The following FAM117A variants were observed in gnomAD, a reference collection of about 807,000 sequenced individuals.
The protein encoded by FAM117A is protein FAM117A.
A neutral mutation model predicts 44.1 loss-of-function variants in FAM117A; 21 were observed. The observed-to-expected ratio is 0.48, with a 90% confidence interval of 0.34 to 0.69. The LOEUF is 0.69. Among genes scored for constraint, FAM117A ranks in the 30% least tolerant of loss-of-function variants. The pLI is 0.01. For missense variants in FAM117A, 498 were observed against 589.9 expected, an observed-to-expected ratio of 0.84 and a Z score of 1.61; for synonymous variants, 220 against 238.3, an observed-to-expected ratio of 0.92 and a Z score of 0.71.
chr17:49,773,867 C>A (rs1182188748), intron 1 of FAM117A, among the ~76,000 whole-genome samples: 1 of 151,970 alleles, frequency 6.6e-6, no homozygotes, highest in Non-Finnish European at 1.5e-5. Context: ...GATTCTCCTG[C>A]CTCAGCCTCC....
At chr17:49,740,279 A>G (rs968736732) in intron 1 of FAM117A, among the ~76,000 whole-genome samples, 4 of 148,244 alleles carry the variant, frequency 2.7e-5, no homozygotes, top group Non-Finnish European at 4.5e-5. Flanking sequence ...AGGGAGTCTC[A>G]CTCTGTCCCT....
At chr17:49,718,671 AAAAAAAAAAAAG>A (rs2143699925) in intron 5 of FAM117A, among the ~76,000 whole-genome samples, 1 of 140,296 alleles carries the variant, frequency 7.1e-6, no homozygotes, top group Admixed American at 7.1e-5. Flanking sequence ...ATTCTGTCTC[AAAAAAAAAAAAG>A]AAAAAAAAAT....
At chr17:49,714,584 C>G (rs1419381161) in intron 7 of FAM117A, among the ~76,000 whole-genome samples, 1 of 151,820 alleles carries the variant, frequency 6.6e-6, no homozygotes, top group Non-Finnish European at 1.5e-5. Flanking sequence ...GTGATCTGCC[C>G]ACCTCAGTCT....
At chr17:49,783,248 G>T (rs1330319053) in intron 1 of FAM117A, among the ~76,000 whole-genome samples, 1 of 152,098 alleles carries the variant, frequency 6.6e-6, no homozygotes, top group East Asian at 1.9e-4. Flanking sequence ...TGGCCCCATA[G>T]AATATGGAAA....
chr17:49,747,588 ATC>A (rs979221632), intron 1 of FAM117A, among the ~76,000 whole-genome samples: 4 of 152,166 alleles, frequency 2.6e-5, no homozygotes, highest in African/African-American at 9.7e-5. Flanking sequence ...ATCCTTGAAA[ATC>A]TGTGTGAACC....
At chr17:49,782,376 CAAAAAAAAAAAAA>C (rs1193854249) in intron 1 of FAM117A, among the ~76,000 whole-genome samples, 1 of 18,102 alleles carries the variant, frequency 5.5e-5, no homozygotes, top group Non-Finnish European at 1.1e-4. Context: ...GACTCCGTCT[CAAAAAAAAAAAAA>C]AAAAAAAAAA....
intron 1 of FAM117A, among the ~76,000 whole-genome samples, chr17:49,779,766 G>A (rs553563669): frequency 1.3e-5 from 2 of 152,324 alleles, no homozygotes; most frequent in East Asian, 3.9e-4. Flanking sequence ...TAGTTTTCCA[G>A]GGGTATTAAT....
At position 49,736,684 on chromosome 17, in the gene FAM117A, C is replaced by A. The variant is rs149600191; in HGVS notation, c.197-3964G>T. ...TACCATTTCCCACCCATGTCCCAAG[C>A]CTTCCCTCCTCTGAGATTTTGCATG... is the stretch of plus-strand genomic sequence containing the variant. On this transcript the variant is annotated intron_variant, in intron 1 of 7. Coordinates refer to ENST00000240364, the MANE Select transcript of FAM117A (RefSeq NM_030802.4). Among the ~76,000 whole-genome samples the A allele has an allele frequency of 1.6e-3, 243 of 152,314 alleles. 1 individual carries two copies. Among genetic ancestry groups the A allele is most frequent in the Non-Finnish European group, 2.8e-3 (190 of 68,032 alleles).
chr17:49,757,937 G>A lies in FAM117A; in HGVS notation c.196+5955C>T, dbSNP rs565111089. Reference sequence around the variant, plus strand: ...AGGATGGCAGAGCTTACTAACCCAAGAAGAGACTGTCCACTCTCACTAACT... The same window carrying A: ...AGGATGGCAGAGCTTACTAACCCAAAAAGAGACTGTCCACTCTCACTAACT... On this transcript the variant is annotated intron_variant, in intron 1 of 7. Transcript: ENST00000240364. 5.3e-5 allele frequency among the ~76,000 whole-genome samples: 8 copies of A among 152,262 alleles called. No homozygotes were observed. In the South Asian group the frequency reaches 1.2e-3, roughly 24 times the overall value.
chr17:49,714,350 T>A (rs2073492190), intron 7 of FAM117A, among the ~76,000 whole-genome samples: 1 of 151,792 alleles, frequency 6.6e-6, no homozygotes, highest in Non-Finnish European at 1.5e-5. Context: ...TTTTTTTTTT[T>A]TGGAGACAGA....
chr17:49,759,361 A>G (rs1018886866), intron 1 of FAM117A, among the ~76,000 whole-genome samples: 7 of 152,230 alleles, frequency 4.6e-5, no homozygotes, highest in African/African-American at 1.7e-4. Context: ...ATGCTTCAGC[A>G]GTGCATTTTG....
chr17:49,720,086 A>T, intron 4 of FAM117A, 192 bp from the exon 5 acceptor site: 1 of 769,098 alleles, frequency 1.3e-6, no homozygotes. Context: ...TGCAGAGTCT[A>T]CTGTGTGCTG....
At chr17:49,726,187 T>C (rs1392099694) in intron 2 of FAM117A, among the ~76,000 whole-genome samples, 2 of 152,210 alleles carry the variant, frequency 1.3e-5, no homozygotes, top group Non-Finnish European at 2.9e-5. Flanking sequence ...ATCCTGTGTT[T>C]GAAGTTGTTG....
chr17:49,736,407 C>T (rs1448261313), intron 1 of FAM117A, among the ~76,000 whole-genome samples: 1 of 152,136 alleles, frequency 6.6e-6, no homozygotes, highest in East Asian at 1.9e-4. Flanking sequence ...CAGGCACCCA[C>T]CACCATGCCC....
At chr17:49,780,146 A>C (rs1043747542) in intron 1 of FAM117A, among the ~76,000 whole-genome samples, 1 of 152,152 alleles carries the variant, frequency 6.6e-6, no homozygotes, top group African/African-American at 2.4e-5. Flanking sequence ...GGGTACAGTT[A>C]ATCACAAGGG....
chr17:49,767,780 T>C (rs2073749423), upstream of FAM117A, among the ~76,000 whole-genome samples: 1 of 152,134 alleles, frequency 6.6e-6, no homozygotes, highest in Non-Finnish European at 1.5e-5. Flanking sequence ...GGCAGGTGCC[T>C]GTAATCCCAG....
At chr17:49,718,294 A>G (rs1266908399) in intron 5 of FAM117A, among the ~76,000 whole-genome samples, 6 of 152,262 alleles carry the variant, frequency 3.9e-5, no homozygotes, top group Admixed American at 2.6e-4. Flanking sequence ...GGTAAATCAT[A>G]AACTGAGAAG....
At chr17:49,753,257 C>G (rs2073684387) in intron 1 of FAM117A, among the ~76,000 whole-genome samples, 1 of 152,206 alleles carries the variant, frequency 6.6e-6, no homozygotes, top group South Asian at 2.1e-4. Context: ...GTGTGCTGGG[C>G]AGGTGGCAGT....
At chr17:49,760,104 C>G (rs1313701928) in intron 1 of FAM117A, among the ~76,000 whole-genome samples, 1 of 152,146 alleles carries the variant, frequency 6.6e-6, no homozygotes, top group Non-Finnish European at 1.5e-5. Context: ...GTCTACTGAA[C>G]ACATCACCTG....
Sources: gnomAD v4.1 joint callset for allele counts (sites outside exome capture counted in the v4.1 genomes callset) on GRCh38, gnomAD v4.1.1 for gene constraint, MANE v1.5 for transcripts, NCBI Gene and HGNC (gene_info 2026-07-23, HGNC 2026-07-21) for gene names.